The following TRPC4AP variants were observed in gnomAD, a reference collection of about 807,000 sequenced individuals.
The protein encoded by TRPC4AP is transient receptor potential cation channel subfamily C member 4 associated protein.
Under a neutral mutation model 99.0 loss-of-function variants are expected in TRPC4AP, and 45 were observed. The observed-to-expected ratio is 0.45, with a 90% confidence interval of 0.36 to 0.58. The LOEUF (loss-of-function observed/expected upper bound fraction) is 0.58, where lower values mean the gene tolerates loss of function less well. Ranked by LOEUF, TRPC4AP falls within the 20% of genes least tolerant of loss-of-function variation. The pLI is 0.00. For missense variants in TRPC4AP, 879 were observed against 985.3 expected (o/e 0.89, Z 1.44); for synonymous variants, 408 against 385.8 (o/e 1.06, Z -0.67).
intron 1 of TRPC4AP, 65 bp downstream of exon 1, chr20:35,092,549 C>A: frequency 7.1e-7 from 1 of 1,409,774 alleles, no homozygotes; most frequent in Non-Finnish European, 9.2e-7. Flanking sequence ...AAGGCCTCTT[C>A]CCCGGCCCCC....
chr20:35,090,545 T>C (rs1216074201), intron 1 of TRPC4AP, among the ~76,000 whole-genome samples: 1 of 152,062 alleles, frequency 6.6e-6, no homozygotes, highest in South Asian at 2.1e-4. Flanking sequence ...GGCTAATTTT[T>C]GTATTTTTAG....
At chr20:35,049,562 G>T (rs1305551289) in intron 6 of TRPC4AP, among the ~76,000 whole-genome samples, 7 of 152,168 alleles carry the variant, frequency 4.6e-5, no homozygotes, top group Non-Finnish European at 1.5e-5. Context: ...TGCCCCAACG[G>T]TGATGAGTGA....
At chr20:35,049,633 T>A (rs1215753399) in intron 6 of TRPC4AP, among the ~76,000 whole-genome samples, 1 of 152,220 alleles carries the variant, frequency 6.6e-6, no homozygotes, top group African/African-American at 2.4e-5. Flanking sequence ...AGAGTCAATC[T>A]GAAGTTCTGA....
intron 8 of TRPC4AP, among the ~76,000 whole-genome samples, chr20:35,024,348 T>C (rs569380094): frequency 8.5e-5 from 13 of 152,178 alleles, no homozygotes; most frequent in Non-Finnish European, 1.5e-4. Flanking sequence ...TAGGCAACCA[T>C]GAAACTATTT....
intron 2 of TRPC4AP, among the ~76,000 whole-genome samples, chr20:35,070,107 T>C (rs1329349913): frequency 1.3e-5 from 2 of 152,128 alleles, no homozygotes; most frequent in African/African-American, 4.8e-5. Context: ...CTGCCAGGGA[T>C]GTGAGAGAGA....
chr20:35,073,502 T>C (rs1600646455), intron 2 of TRPC4AP, among the ~76,000 whole-genome samples: 1 of 152,230 alleles, frequency 6.6e-6, no homozygotes, highest in East Asian at 1.9e-4. Context: ...TGTTGAATTT[T>C]GTCGAAGGCC....
At chr20:35,069,163 C>A (rs896803896) in intron 3 of TRPC4AP, 133 bp downstream of exon 3, 1 of 625,734 alleles carries the variant, frequency 1.6e-6, no homozygotes, top group Non-Finnish European at 2.9e-6. Context: ...CATGTAAATG[C>A]CGCTAAGCTT....
chr20:35,054,189 G>GTTTTTTTTTTTTTT (rs11430339), intron 5 of TRPC4AP, among the ~76,000 whole-genome samples: 1 of 146,838 alleles, frequency 6.8e-6, no homozygotes, highest in Non-Finnish European at 1.5e-5. Context: ...GGAGCTAAAT[G>GTTTTTTTTTTTTTT]TTTTTTTTTT....
intron 8 of TRPC4AP, among the ~76,000 whole-genome samples, chr20:35,025,682 T>C (rs1177135520): frequency 4.6e-5 from 7 of 152,194 alleles, no homozygotes; most frequent in Non-Finnish European, 1.0e-4. Context: ...TGCAAAGATG[T>C]CCCACCCTGC....
intron 3 of TRPC4AP, among the ~76,000 whole-genome samples, chr20:35,060,598 A>C (rs865954120): frequency 3.3e-5 from 5 of 150,596 alleles, no homozygotes; most frequent in African/African-American, 1.2e-4. Flanking sequence ...AAAAAAAAAA[A>C]AAAAAAAAAA....
At chr20:35,036,663 C>T (rs6060170) in intron 7 of TRPC4AP, among the ~76,000 whole-genome samples, 1 of 151,972 alleles carries the variant, frequency 6.6e-6, no homozygotes, top group East Asian at 1.9e-4. Flanking sequence ...GTAAGACAAG[C>T]TGGCCAGGCA....
At chr20:35,034,480 T>C (rs2083272119) in intron 8 of TRPC4AP, among the ~76,000 whole-genome samples, 2 of 152,106 alleles carry the variant, frequency 1.3e-5, no homozygotes, top group African/African-American at 4.8e-5. Flanking sequence ...TCTGACCTCT[T>C]TGCCATACTC....
At chr20:35,064,352 A>G (rs1289714870) in intron 3 of TRPC4AP, among the ~76,000 whole-genome samples, 1 of 152,224 alleles carries the variant, frequency 6.6e-6, no homozygotes, top group Non-Finnish European at 1.5e-5. Context: ...CAGCAGGCAA[A>G]TCTTTGAGAC....
intron 12 of TRPC4AP, among the ~76,000 whole-genome samples, chr20:35,009,939 T>C (rs2082595484): frequency 6.6e-6 from 1 of 152,224 alleles, no homozygotes; most frequent in African/African-American, 2.4e-5. Context: ...GCAGGTGACC[T>C]CTCTGAGGCT....
chr20:35,088,300 G>C (rs1323060679), intron 1 of TRPC4AP, among the ~76,000 whole-genome samples: 1 of 152,164 alleles, frequency 6.6e-6, no homozygotes, highest in Non-Finnish European at 1.5e-5. Flanking sequence ...CTTGCCTAAA[G>C]ACACATAGTA....
At position 35,034,013 on chromosome 20, in the gene TRPC4AP, C is replaced by CG. The variant is rs1373922187; in HGVS notation, c.1051+1109dup. The stretch of plus-strand genomic sequence containing the variant: ...ACAAAAAATTAGCCGGGCGCGGTGG[C>CG]GGGCGCCTGTAGTCCCAGCTACTCG... On this transcript the variant is annotated intron_variant, in intron 8 of 18. Coordinates refer to ENST00000252015, the MANE Select transcript of TRPC4AP (RefSeq NM_015638.3). 3.7e-5 allele frequency among the ~76,000 whole-genome samples: 2 copies of CG among 53,790 alleles called. 1 individual carries two copies. Among genetic ancestry groups the CG allele is most frequent in the Non-Finnish European group, 7.6e-5 (2 of 26,410 alleles). 35.3% of individuals were successfully genotyped at this position (53,790 alleles called of 152,430 possible). A position where few individuals can be genotyped will look rare whatever the true frequency, so the allele number is the denominator to read the frequency against.
At chr20:35,065,642 T>C (rs545685460) in intron 3 of TRPC4AP, among the ~76,000 whole-genome samples, 1 of 152,252 alleles carries the variant, frequency 6.6e-6, no homozygotes, top group African/African-American at 2.4e-5. Flanking sequence ...CATAATTACT[T>C]AAGCAGGAGC....
rs4911461 is a variant in TRPC4AP at position 35,042,190 on chromosome 20, A to T, written c.865+2315T>A. On this transcript the variant is annotated intron_variant, in intron 7 of 18. Transcript: ENST00000252015. ...TGGGAAGAAAACCGTACACAGACCA[A>T]GGAAGACCTTGTATCTAGTGACACA... Among the ~76,000 whole-genome samples, 13 of 152,132 alleles carry T rather than the reference A, an allele frequency of 8.5e-5. No individual in the cohort carries two copies. The East Asian group carries it at 2.1e-3, about 25-fold the overall frequency.
intron 11 of TRPC4AP, among the ~76,000 whole-genome samples, chr20:35,011,369 G>A (rs1040357273): frequency 7.9e-5 from 12 of 152,188 alleles, no homozygotes; most frequent in African/African-American, 2.9e-4. Flanking sequence ...CCTACAGTTG[G>A]CCATAATCAC....
Sources: allele counts gnomAD v4.1 joint callset (sites outside exome capture counted in the v4.1 genomes callset), GRCh38; gene constraint gnomAD v4.1.1; transcripts MANE v1.5; gene names NCBI Gene and HGNC (gene_info 2026-07-23, HGNC 2026-07-21).